HMCN1: variants seen among roughly 807,000 people sequenced by gnomAD.
The protein encoded by HMCN1 is hemicentin-1.
HMCN1 carries 321 observed loss-of-function variants against 625.9 expected under a neutral mutation model. The ratio of observed to expected loss-of-function variants is 0.51; its 90% confidence interval spans 0.47 to 0.56. The LOEUF is 0.56. Among genes scored for constraint, HMCN1 ranks in the 20% least tolerant of loss-of-function variants. The pLI is 0.00. For missense variants in HMCN1, 6,588 were observed against 6,887.3 expected (o/e 0.96, Z 1.54); for synonymous variants, 2,425 against 2,417.6 (o/e 1.00, Z -0.09).
chr1:185,889,610 A>G (rs1216383009), intron 4 of HMCN1, among the ~76,000 whole-genome samples: 1 of 137,164 alleles, frequency 7.3e-6, no homozygotes, highest in Non-Finnish European at 1.5e-5. Flanking sequence ...GCTGGATTAC[A>G]TTTATTGATT....
At chr1:186,077,055 A>G (rs1263642154) in intron 54 of HMCN1, among the ~76,000 whole-genome samples, 1 of 152,164 alleles carries the variant, frequency 6.6e-6, no homozygotes, top group African/African-American at 2.4e-5. Flanking sequence ...TATCTGGTTT[A>G]TTGATTGCAA....
chr1:186,179,764 T>C (rs1035575077), intron 104 of HMCN1, among the ~76,000 whole-genome samples: 3 of 78,130 alleles, frequency 3.8e-5, no homozygotes, highest in African/African-American at 1.4e-4. Context: ...CTATCTTCAA[T>C]TTTTTTTGTT....
chr1:186,146,004 A>G (rs1191917498), intron 93 of HMCN1, 81 bp downstream of exon 93: 3 of 1,389,712 alleles, frequency 2.2e-6, no homozygotes, highest in Non-Finnish European at 3.0e-6. Flanking sequence ...TTACAAAACA[A>G]TGCCAACCCT....
In HMCN1 at chr1:186,015,454, G is replaced by A. The variant is rs1233991786; in HGVS notation, c.4909+17G>A. The stretch of plus-strand genomic sequence containing the variant: ...ATGTCTATGGTGAGGAACAACATAT[G>A]CTTTAATTATATACCTTTCTACCTA... On this transcript the variant is annotated intron_variant, in intron 31 of 106. Coordinates refer to ENST00000271588, the MANE Select transcript of HMCN1 (RefSeq NM_031935.3). The A allele has an allele frequency of 6.2e-7, 1 of 1,608,900 alleles. No homozygotes were observed. The highest frequency in any genetic ancestry group is 8.5e-7 in the Non-Finnish European group (1 of 1,176,098).
chr1:185,744,594 G>C (rs112801316), intron 1 of HMCN1, among the ~76,000 whole-genome samples: 1 of 152,150 alleles, frequency 6.6e-6, no homozygotes, highest in South Asian at 2.1e-4. Context: ...GTGAGAAATA[G>C]GGCAAGATAA....
chr1:186,006,049 TC>T (rs2102089419), intron 29 of HMCN1, among the ~76,000 whole-genome samples: 1 of 150,378 alleles, frequency 6.6e-6, no homozygotes, highest in South Asian at 2.1e-4. Flanking sequence ...GGCAGGAGAA[TC>T]GCTTGAACCC....
intron 1 of HMCN1, among the ~76,000 whole-genome samples, chr1:185,738,036 C>T (rs1192851093): frequency 6.6e-6 from 1 of 152,006 alleles, no homozygotes; most frequent in African/African-American, 2.4e-5. Context: ...CAGAGATGAA[C>T]GGGGGTCATG....
At position 186,119,221 on chromosome 1, in the gene HMCN1, A is replaced by T; in HGVS notation, c.11879A>T (p.Asn3960Ile). The T allele has an allele frequency of 6.2e-7, 1 of 1,613,830 alleles. No individual in the cohort carries two copies. The change falls in exon 78 of 107, where the codon AAC becomes ATC. Residue 3960 changes from asparagine (N) to isoleucine (I), a missense_variant. By Grantham distance (149) the Asn-to-Ile change is moderately radical (BLOSUM62 -3). This residue lies in a region of HMCN1 where 4,628 missense variants were observed against 4,853.1 expected (regional missense o/e 0.95). Transcript: ENST00000271588. ...ATTGAAATACTTGCCACCCAATTAA[A>T]CCATGCTGGAAGATACACTTGTGTC... ...GAIEILATQL[N>I]HAGRYTCVAR...
intron 1 of HMCN1, among the ~76,000 whole-genome samples, chr1:185,741,081 A>G (rs1263800932): frequency 6.6e-6 from 1 of 152,164 alleles, no homozygotes; most frequent in African/African-American, 2.4e-5. Flanking sequence ...CTCTCTTGCC[A>G]TGTGATCTCT....
intron 100 of HMCN1, among the ~76,000 whole-genome samples, chr1:186,167,323 T>C (rs1651940736): frequency 6.6e-6 from 1 of 152,216 alleles, no homozygotes; most frequent in Admixed American, 6.5e-5. Context: ...GAATGATGTT[T>C]TTAATAGGCT....
chr1:186,177,490 T>C (rs1410038954), intron 103 of HMCN1, among the ~76,000 whole-genome samples: 1 of 151,922 alleles, frequency 6.6e-6, no homozygotes, highest in Non-Finnish European at 1.5e-5. Flanking sequence ...GAGCCCATAA[T>C]AAAGAATGTG....
At chr1:185,793,672 G>A (rs1557973576) in intron 1 of HMCN1, among the ~76,000 whole-genome samples, 1 of 152,178 alleles carries the variant, frequency 6.6e-6, no homozygotes, top group Non-Finnish European at 1.5e-5. Flanking sequence ...GCTGATTAAT[G>A]TCAATAGACA....
At chr1:186,089,622 T>C (rs1390554215) in intron 63 of HMCN1, among the ~76,000 whole-genome samples, 1 of 152,042 alleles carries the variant, frequency 6.6e-6, no homozygotes, top group Non-Finnish European at 1.5e-5. Flanking sequence ...TCTAATGCAT[T>C]AATAATAACA....
chr1:185,993,913 G>A (rs1419883689), intron 23 of HMCN1, among the ~76,000 whole-genome samples: 3 of 152,054 alleles, frequency 2.0e-5, no homozygotes, highest in Non-Finnish European at 4.4e-5. Context: ...ACTCTCAGAT[G>A]AATCACCACA....
At chr1:186,083,625 A>C (rs184336575) in intron 57 of HMCN1, among the ~76,000 whole-genome samples, 1 of 151,968 alleles carries the variant, frequency 6.6e-6, no homozygotes. Context: ...GATCTCCTTT[A>C]CATACATAAT....
chr1:185,809,593 T>G (rs956437587), intron 1 of HMCN1, among the ~76,000 whole-genome samples: 2 of 151,956 alleles, frequency 1.3e-5, no homozygotes, highest in African/African-American at 4.8e-5. Flanking sequence ...GAAAACAGTA[T>G]TGACAAAAGG....
At chr1:186,155,719 C>T (rs920107025) in intron 97 of HMCN1, among the ~76,000 whole-genome samples, 6 of 152,148 alleles carry the variant, frequency 3.9e-5, no homozygotes, top group Non-Finnish European at 8.8e-5. Flanking sequence ...TATCCTTAGA[C>T]ACTGTGATTC....
chr1:185,980,827 C>T (rs1316391400), intron 16 of HMCN1, 151 bp from the exon 17 acceptor site: 1 of 707,324 alleles, frequency 1.4e-6, no homozygotes, highest in Non-Finnish European at 2.6e-6. Context: ...GCACTTATTT[C>T]ACTGTGGTGT....
chr1:185,954,317 T>C (rs1257103912), intron 11 of HMCN1, among the ~76,000 whole-genome samples: 1 of 152,214 alleles, frequency 6.6e-6, no homozygotes, highest in Non-Finnish European at 1.5e-5. Flanking sequence ...GGGTTTTAAC[T>C]GTCTCCATAT....
Sources: gnomAD v4.1 joint callset for allele counts (sites outside exome capture counted in the v4.1 genomes callset) on GRCh38, gnomAD v4.1.1 for gene constraint, gnomAD v4.1.1 regional missense constraint, MANE v1.5 for transcripts, NCBI Gene and HGNC (gene_info 2026-07-23, HGNC 2026-07-21) for gene names.